The following EML5 variants were observed in gnomAD, a reference collection of about 807,000 sequenced individuals.
EML5 encodes echinoderm microtubule-associated protein-like 5.
A neutral mutation model predicts 250.0 loss-of-function variants in EML5; 120 were observed. The ratio of observed to expected loss-of-function variants is 0.48; its 90% CI spans 0.41 to 0.56. The LOEUF (loss-of-function observed/expected upper bound fraction) is 0.56, where lower values mean the gene tolerates loss of function less well. Ranked by LOEUF, EML5 falls within the 20% of genes least tolerant of loss-of-function variation. EML5 has a pLI of 0.00. For synonymous variants in EML5, 771 were observed against 806.5 expected, an observed-to-expected ratio of 0.96 and a Z score of 0.75; for missense variants, 2,006 against 2,437.6, an observed-to-expected ratio of 0.82 and a Z score of 3.73.
intron 8 of EML5, among the ~76,000 whole-genome samples, chr14:88,717,728 C>A (rs1357032524): frequency 2.0e-5 from 3 of 151,794 alleles, no homozygotes; most frequent in Non-Finnish European, 4.4e-5. Flanking sequence ...GCACTCCAGC[C>A]TGGGTGACAG....
intron 21 of EML5, among the ~76,000 whole-genome samples, chr14:88,667,050 C>T (rs565884402): frequency 4.6e-5 from 7 of 151,986 alleles, no homozygotes; most frequent in Admixed American, 1.3e-4. Flanking sequence ...GGGTGAAAGG[C>T]GTCAAGGGCA....
At chr14:88,630,023 A>ATTTTTTTTTTTTTTTTT (rs58382081) in intron 33 of EML5, among the ~76,000 whole-genome samples, 1 of 84,246 alleles carries the variant, frequency 1.2e-5, no homozygotes, top group Non-Finnish European at 2.2e-5. Context: ...TAAAAACTGT[A>ATTTTTTTTTTTTTTTTT]TTTTTTTTTT....
chr14:88,791,101 C>T (rs568978826), intron 1 of EML5, among the ~76,000 whole-genome samples: 9 of 152,286 alleles, frequency 5.9e-5, no homozygotes, highest in African/African-American at 2.2e-4. Flanking sequence ...CTTATCTTTA[C>T]TCCATCTTGC....
intron 30 of EML5, among the ~76,000 whole-genome samples, chr14:88,643,319 G>A (rs1487154769): frequency 1.3e-5 from 2 of 152,024 alleles, no homozygotes; most frequent in Admixed American, 1.3e-4. Flanking sequence ...TAAACACTGA[G>A]GTACAGTTGG....
At chr14:88,765,266 T>A (rs2094305609) in intron 1 of EML5, among the ~76,000 whole-genome samples, 1 of 152,188 alleles carries the variant, frequency 6.6e-6, no homozygotes, top group African/African-American at 2.4e-5. Flanking sequence ...TTAACACAAC[T>A]AAATTACTTT....
intron 1 of EML5, among the ~76,000 whole-genome samples, chr14:88,775,258 G>A (rs1362139590): frequency 6.6e-6 from 1 of 152,180 alleles, no homozygotes; most frequent in African/African-American, 2.4e-5. Context: ...ACTTTGTCTT[G>A]TACCTTAGGT....
chr14:88,778,851 T>G (rs1439203617), intron 1 of EML5, among the ~76,000 whole-genome samples: 1 of 152,246 alleles, frequency 6.6e-6, no homozygotes, highest in African/African-American at 2.4e-5. Flanking sequence ...ATCAAAGATA[T>G]TTGGGTTTTC....
chr14:88,670,169 A>C (rs988487599), intron 21 of EML5, among the ~76,000 whole-genome samples: 2 of 151,630 alleles, frequency 1.3e-5, no homozygotes, highest in African/African-American at 4.8e-5. Context: ...AAAACAAAAA[A>C]AATTAGCTGG....
At chr14:88,616,444 C>G in intron 42 of EML5, 1 of 619,950 alleles carries the variant, frequency 1.6e-6, no homozygotes, top group Non-Finnish European at 2.8e-6. Context: ...TCCAGGTACT[C>G]TGACCATTTT....
At chr14:88,740,306 T>C in intron 5 of EML5, 81 bp downstream of exon 5, 4 of 1,158,710 alleles carry the variant, frequency 3.5e-6, no homozygotes, top group Middle Eastern at 2.2e-4. Flanking sequence ...AGAAACAATA[T>C]ACTATATTAC....
At chr14:88,664,718 G>T in intron 22 of EML5, 94 bp from the exon 23 acceptor site, 2 of 1,241,726 alleles carry the variant, frequency 1.6e-6, no homozygotes, top group Non-Finnish European at 2.2e-6. Flanking sequence ...TCTTTATGGA[G>T]AAATCTTAGC....
intron 8 of EML5, among the ~76,000 whole-genome samples, chr14:88,725,550 T>C (rs1391664815): frequency 6.6e-6 from 1 of 152,150 alleles, no homozygotes; most frequent in Non-Finnish European, 1.5e-5. Flanking sequence ...ACTGGGGTAC[T>C]GAGAAATAGG....
At chr14:88,649,094 A>G (rs943036392) in intron 28 of EML5, among the ~76,000 whole-genome samples, 1 of 151,178 alleles carries the variant, frequency 6.6e-6, no homozygotes, top group African/African-American at 2.4e-5. Context: ...TAGTGATGCC[A>G]TCACAGCTCA....
chr14:88,680,727 C>G (rs954839665), intron 21 of EML5, among the ~76,000 whole-genome samples: 2 of 151,832 alleles, frequency 1.3e-5, no homozygotes, highest in Admixed American at 6.6e-5. Flanking sequence ...CATTAGCATC[C>G]AGAGTAAACA....
intron 35 of EML5, chr14:88,625,989 G>A (rs2089885397): frequency 6.6e-6 from 1 of 152,178 alleles, no homozygotes; most frequent in Admixed American, 6.5e-5. Context: ...TAAAGTGAGA[G>A]GAGAGCAGGT....
At chr14:88,675,932 C>A (rs2092584529) in intron 21 of EML5, among the ~76,000 whole-genome samples, 1 of 152,152 alleles carries the variant, frequency 6.6e-6, no homozygotes, top group South Asian at 2.1e-4. Flanking sequence ...TAAGAAGAGT[C>A]ACCTTTGCTC....
chr14:88,771,635 C>T (rs189083547), intron 1 of EML5, among the ~76,000 whole-genome samples: 1 of 152,304 alleles, frequency 6.6e-6, no homozygotes, highest in East Asian at 1.9e-4. Context: ...TGTTAACATA[C>T]TTCAAAGTAG....
rs1358320036 is a variant in EML5 at position 88,792,488 on chromosome 14, C to G, written c.16G>C (p.Ala6Pro). The change falls in exon 1 of 44, where the codon GCC becomes CCC. Residue 6 changes from alanine (A) to proline (P), a missense_variant. Ala to Pro is a conservative substitution (Grantham distance 27, BLOSUM62 -1). Around this residue, in one of 7 missense-constraint regions of EML5, gnomAD observed 162 missense variants for 212.2 expected, o/e 0.76. Coordinates refer to ENST00000554922, the MANE Select transcript of EML5 (RefSeq NM_183387.3). The surrounding 1 kb of genome is among the most constrained non-coding windows in gnomAD (Gnocchi z 6.9). ...TCGAGCCGCAGGTGGCAGCTCGGGG[C>G]GCTCCGGGCCGCCATGTCGGGGCGC... is the stretch of plus-strand genomic sequence containing the variant. The part of the protein sequence containing the change: MAARS[A>P]PSCHLRLEWV... 3.5e-6 allele frequency: 5 copies of G among 1,441,558 alleles called. No homozygotes were observed. The South Asian group carries it at 7.1e-5, about 21-fold the overall frequency. The allele number at this position is 1,441,558 out of a possible 1,614,324, so 89.3% of individuals were successfully genotyped here. A position where few individuals can be genotyped will look rare whatever the true frequency, so the allele number is the denominator to read the frequency against.
At position 88,612,855 on chromosome 14, in the gene EML5, A is replaced by ATCAC. The variant is rs1595157968; in HGVS notation, c.*2959_*2962dup. The stretch of plus-strand genomic sequence containing the variant: ...CAAATGCTTTAGAGTTAAATAACAG[A>ATCAC]TCACTGATTTCAAAGACTTGGTGTA... On this transcript the variant is annotated 3_prime_UTR_variant, in exon 44 of 44. Coordinates refer to ENST00000554922, the MANE Select transcript of EML5 (RefSeq NM_183387.3). 1 of 152,592 alleles carries ATCAC rather than the reference A, an allele frequency of 6.6e-6. No homozygotes were observed. The highest frequency in any genetic ancestry group is 2.4e-5 in the African/African-American group (1 of 41,440). The allele number at this position is 152,592 out of a possible 1,614,324, so 9.5% of individuals were successfully genotyped here.
Sources: gnomAD v4.1 joint callset for allele counts (sites outside exome capture counted in the v4.1 genomes callset) on GRCh38, gnomAD v4.1.1 for gene constraint, gnomAD v4.1.1 regional missense constraint, Gnocchi (gnomAD v3.1) non-coding constraint, MANE v1.5 for transcripts, NCBI Gene and HGNC (gene_info 2026-07-23, HGNC 2026-07-21) for gene names.